AGBL1: variants seen among roughly 807,000 people sequenced by gnomAD.
AGBL1 encodes AGBL carboxypeptidase 1, also known as cytosolic carboxypeptidase 4.
A neutral mutation model predicts 118.9 loss-of-function variants in AGBL1; 130 were observed. That is an observed-to-expected ratio of 1.09 (90% CI 0.95 to 1.26). The LOEUF is 1.26. AGBL1 is among the 50% of genes most tolerant of loss of function. The pLI, the probability that AGBL1 is intolerant of heterozygous loss-of-function variation, is 0.00. For synonymous variants in AGBL1, 555 were observed against 478.9 expected (o/e 1.16, Z -2.08); for missense variants, 1,584 against 1,298.1 (o/e 1.22, Z -3.38).
At position 86,636,844 on chromosome 15, in the gene AGBL1, A is replaced by T. The variant is rs143592637; in HGVS notation, c.2995-37429A>T. Among the ~76,000 whole-genome samples, 810 of 148,700 alleles carry T rather than the reference A, an allele frequency of 5.4e-3. 7 individuals carry two copies. The highest frequency in any genetic ancestry group is 0.019 in the African/African-American group (761 of 40,600). On this transcript the variant is annotated intron_variant, in intron 21 of 22. Coordinates refer to ENST00000614907, the MANE Select transcript of AGBL1 (RefSeq NM_001386094.1). ...TGTGACATCACCTATGATGACTCAT[A>T]GGCACAATTCAATTGTTTCATCCAT...
At chr15:86,893,394 A>G (rs914357186) in intron 22 of AGBL1, among the ~76,000 whole-genome samples, 3 of 152,228 alleles carry the variant, frequency 2.0e-5, no homozygotes, top group Admixed American at 2.0e-4. Flanking sequence ...ACATTAAGGA[A>G]TGCCACAGGC....
chr15:86,468,534 C>T (rs187523590), intron 18 of AGBL1, among the ~76,000 whole-genome samples: 13 of 152,302 alleles, frequency 8.5e-5, no homozygotes, highest in African/African-American at 2.2e-4. Flanking sequence ...TATGGACAGA[C>T]ATTGCCGTTC....
chr15:86,977,710 C>G (rs2081189580), intron 23 of AGBL1, among the ~76,000 whole-genome samples: 1 of 151,744 alleles, frequency 6.6e-6, no homozygotes, highest in Non-Finnish European at 1.5e-5. Flanking sequence ...TTACTTAAGT[C>G]TACTAGATTT....
chr15:86,169,020 C>T (rs896022372), intron 5 of AGBL1, among the ~76,000 whole-genome samples: 2 of 152,140 alleles, frequency 1.3e-5, no homozygotes, highest in Non-Finnish European at 2.9e-5. Flanking sequence ...CATTAGGCAA[C>T]GAAGGGCAGT....
chr15:86,250,812 C>A (rs1488473712), intron 7 of AGBL1, among the ~76,000 whole-genome samples: 1 of 152,150 alleles, frequency 6.6e-6, no homozygotes, highest in Non-Finnish European at 1.5e-5. Flanking sequence ...TACAGCTGCC[C>A]ATCACCCCTC....
chr15:86,141,222 C>T (rs909207291), intron 1 of AGBL1, among the ~76,000 whole-genome samples: 1 of 152,162 alleles, frequency 6.6e-6, no homozygotes, highest in African/African-American at 2.4e-5. Context: ...TTGCAGAGAT[C>T]CTTTAGAGTT....
intron 24 of AGBL1, among the ~76,000 whole-genome samples, chr15:87,020,107 G>A (rs1299734192): frequency 6.6e-6 from 1 of 151,968 alleles, no homozygotes; most frequent in South Asian, 2.1e-4. Context: ...TTCTGATATT[G>A]AGGCAGTAAT....
rs901962519 is a variant in AGBL1, at chr15:86,712,589, G to A, written c.3158+38153G>A. Reference sequence around the variant, plus strand: ...TACAGCAGAGAAAAAAAATCCGCCTGTACTCTGAGAATGAACATTTACATT... The same window carrying A: ...TACAGCAGAGAAAAAAAATCCGCCTATACTCTGAGAATGAACATTTACATT... On this transcript the variant is annotated intron_variant, in intron 22 of 22. Coordinates refer to ENST00000614907, the MANE Select transcript of AGBL1 (RefSeq NM_001386094.1). Among the ~76,000 whole-genome samples the A allele has an allele frequency of 3.9e-5, 6 of 152,124 alleles. No homozygotes were observed. In the East Asian group the frequency reaches 9.6e-4, roughly 24 times the overall value.
chr15:86,490,222 G>A (rs1320882228), intron 18 of AGBL1, among the ~76,000 whole-genome samples: 1 of 152,012 alleles, frequency 6.6e-6, no homozygotes, highest in East Asian at 1.9e-4. Context: ...ACATAATTAG[G>A]TATGGGTCCC....
At chr15:86,842,318 C>A in intron 22 of AGBL1, among the ~76,000 whole-genome samples, 1 of 151,996 alleles carries the variant, frequency 6.6e-6, no homozygotes. Context: ...CACTGAAAAC[C>A]TTTATACTGG....
intron 22 of AGBL1, among the ~76,000 whole-genome samples, chr15:86,851,442 A>G (rs1377519855): frequency 1.3e-5 from 2 of 152,168 alleles, no homozygotes; most frequent in East Asian, 3.9e-4. Flanking sequence ...ACACAGCATC[A>G]TTGCTCTTCC....
intron 18 of AGBL1, among the ~76,000 whole-genome samples, chr15:86,450,685 G>T (rs1314847916): frequency 6.6e-6 from 1 of 152,168 alleles, no homozygotes; most frequent in Non-Finnish European, 1.5e-5. Context: ...GCTTAGTTAT[G>T]TACTGACTGT....
Position 86,298,312 on chromosome 15 carries a change from TATA to T in AGBL1, c.2374+2905_2374+2907del, listed in dbSNP as rs1311908737. 1.3e-3 allele frequency among the ~76,000 whole-genome samples: 167 copies of T among 128,604 alleles called. 2 individuals carry two copies. Among genetic ancestry groups the T allele is most frequent in the African/African-American group, 4.6e-3 (153 of 33,308 alleles). 84.4% of individuals were successfully genotyped at this position (128,604 alleles called of 152,430 possible). On this transcript the variant is annotated intron_variant, in intron 17 of 22. Coordinates refer to ENST00000614907, the MANE Select transcript of AGBL1 (RefSeq NM_001386094.1). ...TATATATATATGGTAGCTATATATA[TATA>T]GGTAACTATATATATGGTAACTATA...
At chr15:86,809,539 C>G (rs2078761151) in intron 22 of AGBL1, among the ~76,000 whole-genome samples, 1 of 152,126 alleles carries the variant, frequency 6.6e-6, no homozygotes, top group Non-Finnish European at 1.5e-5. Context: ...GCCCTGTATC[C>G]TAACTTGTGA....
intron 13 of AGBL1, among the ~76,000 whole-genome samples, chr15:86,269,068 G>A (rs1183543456): frequency 1.3e-5 from 2 of 152,138 alleles, no homozygotes; most frequent in East Asian, 1.9e-4. Flanking sequence ...ATAGTGATGG[G>A]GAGAGGATCC....
intron 22 of AGBL1, among the ~76,000 whole-genome samples, chr15:86,785,373 T>G (rs9972615): frequency 0.084 from 11,769 of 139,798 alleles, 595 homozygotes; most frequent in East Asian, 0.17. Flanking sequence ...TTTTTTTTTT[T>G]TTTTTGTTTT....
intron 16 of AGBL1, among the ~76,000 whole-genome samples, chr15:86,280,818 T>G (rs1487912995): frequency 6.6e-6 from 1 of 152,192 alleles, no homozygotes; most frequent in Non-Finnish European, 1.5e-5. Flanking sequence ...TTCATGAAAG[T>G]GCATCTGTCC....
chr15:86,276,030 T>C (rs1021117973), intron 15 of AGBL1, among the ~76,000 whole-genome samples: 2 of 152,210 alleles, frequency 1.3e-5, no homozygotes, highest in African/African-American at 4.8e-5. Flanking sequence ...TAGTGCATAG[T>C]AGGTGTTCAA....
chr15:86,428,387 C>T (rs1161340599), intron 18 of AGBL1, among the ~76,000 whole-genome samples: 1 of 152,180 alleles, frequency 6.6e-6, no homozygotes, highest in African/African-American at 2.4e-5. Flanking sequence ...AAGAGGAATA[C>T]TCCAGGGAAG....
Sources: allele counts gnomAD v4.1 joint callset (sites outside exome capture counted in the v4.1 genomes callset), GRCh38; gene constraint gnomAD v4.1.1; transcripts MANE v1.5; gene names NCBI Gene and HGNC (gene_info 2026-07-23, HGNC 2026-07-21).